Variants in SLC44A5 observed in about 807,000 individuals in gnomAD.
SLC44A5 encodes choline transporter-like protein 5.
In SLC44A5, 57 loss-of-function variants were observed where a neutral mutation model predicts 101.8. The ratio of observed to expected loss-of-function variants is 0.56; its 90% CI spans 0.45 to 0.70. The LOEUF (loss-of-function observed/expected upper bound fraction) is 0.70, where lower values mean the gene tolerates loss of function less well. SLC44A5 is among the 30% of genes least tolerant of loss of function. The pLI is 0.00. For missense variants in SLC44A5, 737 were observed against 853.1 expected (o/e 0.86, Z 1.70); for synonymous variants, 281 against 290.9 (o/e 0.97, Z 0.35).
rs191828853 is a variant in SLC44A5, at chr1:75,481,543, C to T, written c.13+59892G>A. Among the ~76,000 whole-genome samples, 1,433 of 145,540 alleles carry T rather than the reference C, an allele frequency of 9.8e-3. 7 individuals carry two copies. The highest frequency in any genetic ancestry group is 0.015 in the Non-Finnish European group (983 of 66,132). ...TAATATCCAGAATCTACAATGAGCT[C>T]AAACAAATTTACAAGAAAAAAACAA... On this transcript the variant is annotated intron_variant, in intron 2 of 23. Transcript: ENST00000370859.
At chr1:75,606,985 T>G (rs557058163) in intron 1 of SLC44A5, among the ~76,000 whole-genome samples, 2 of 152,078 alleles carry the variant, frequency 1.3e-5, no homozygotes, top group South Asian at 2.1e-4. Context: ...CAGTGAGTCT[T>G]CCAGTCTGTG....
the SLC44A5 span, among the ~76,000 whole-genome samples, chr1:75,674,772 G>T: frequency 6.6e-6 from 1 of 152,198 alleles, no homozygotes; most frequent in African/African-American, 2.4e-5. Context: ...GCCTTAAAGA[G>T]GAGATAGAGA....
intron 1 of SLC44A5, among the ~76,000 whole-genome samples, chr1:75,544,519 ACACACAC>A (rs1407459670): frequency 3.8e-4 from 58 of 152,224 alleles, no homozygotes; most frequent in African/African-American, 1.3e-3. Flanking sequence ...ACACACACAC[ACACACAC>A]AACAAAATAC....
At chr1:75,421,420 C>T (rs1387876010) in intron 2 of SLC44A5, among the ~76,000 whole-genome samples, 1 of 152,032 alleles carries the variant, frequency 6.6e-6, no homozygotes, top group East Asian at 1.9e-4. Context: ...TTTATGTAGG[C>T]CATAAGCCAT....
At chr1:75,666,354 T>C in the SLC44A5 span, among the ~76,000 whole-genome samples, 1 of 152,066 alleles carries the variant, frequency 6.6e-6, no homozygotes, top group South Asian at 2.1e-4. Flanking sequence ...CCTGGACACA[T>C]ACACCCTCCC....
At chr1:75,336,496 G>A (rs1657455302) in intron 4 of SLC44A5, among the ~76,000 whole-genome samples, 1 of 152,090 alleles carries the variant, frequency 6.6e-6, no homozygotes, top group African/African-American at 2.4e-5. Context: ...GACAATGTCA[G>A]CATTATTTAA....
chr1:75,599,089 A>G (rs1467654164), intron 1 of SLC44A5, among the ~76,000 whole-genome samples: 2 of 152,236 alleles, frequency 1.3e-5, no homozygotes, highest in Non-Finnish European at 2.9e-5. Flanking sequence ...ATAAAAATAT[A>G]GAGAAATGTT....
intron 2 of SLC44A5, among the ~76,000 whole-genome samples, chr1:75,405,691 G>T (rs975930419): frequency 1.3e-5 from 2 of 152,018 alleles, no homozygotes; most frequent in African/African-American, 4.8e-5. Flanking sequence ...CAAATCTGTG[G>T]GACACAGCTA....
chr1:75,718,647 C>A, the SLC44A5 span, among the ~76,000 whole-genome samples: 8 of 152,114 alleles, frequency 5.3e-5, no homozygotes, highest in Non-Finnish European at 1.2e-4. Flanking sequence ...TCATGAGCTG[C>A]GAGCCTCTTT....
the SLC44A5 span, among the ~76,000 whole-genome samples, chr1:75,699,913 C>T: frequency 1.1e-4 from 16 of 152,016 alleles, no homozygotes; most frequent in Non-Finnish European, 2.1e-4. Context: ...CAAAGAAGGC[C>T]ATTACATAAT....
At chr1:75,531,457 T>A (rs1271732151) in intron 2 of SLC44A5, among the ~76,000 whole-genome samples, 1 of 152,172 alleles carries the variant, frequency 6.6e-6, no homozygotes, top group Non-Finnish European at 1.5e-5. Context: ...CCCTATAAGG[T>A]CAGGCATTGA....
At chr1:75,639,092 C>A in the SLC44A5 span, among the ~76,000 whole-genome samples, 1 of 151,924 alleles carries the variant, frequency 6.6e-6, no homozygotes, top group Non-Finnish European at 1.5e-5. Flanking sequence ...AAAGGATATG[C>A]AATTTCAGTT....
chr1:75,516,553 C>G (rs374019172), intron 2 of SLC44A5, among the ~76,000 whole-genome samples: 1 of 152,148 alleles, frequency 6.6e-6, no homozygotes, highest in African/African-American at 2.4e-5. Context: ...ATAAGCTACA[C>G]TCAGACTGTG....
rs911709413 is a variant in SLC44A5, at chr1:75,250,662, T to C, written c.345+548A>G. ...ATCCAAGGCTTTTAAGAGCAGGATGTTTTATTCATCCTCACTGTGTCCTTT... is the reference window on the plus strand; with the variant it reads ...ATCCAAGGCTTTTAAGAGCAGGATGCTTTATTCATCCTCACTGTGTCCTTT... On this transcript the variant is annotated intron_variant, in intron 7 of 23. Coordinates refer to ENST00000370859, the MANE Select transcript of SLC44A5 (RefSeq NM_001130058.2). Among the ~76,000 whole-genome samples, 3 of 152,140 alleles carry C rather than the reference T, an allele frequency of 2.0e-5. No homozygotes were observed. In the South Asian group the frequency reaches 6.2e-4, roughly 32 times the overall value.
chr1:75,629,172 G>A, the SLC44A5 span, among the ~76,000 whole-genome samples: 3 of 151,900 alleles, frequency 2.0e-5, no homozygotes, highest in African/African-American at 7.2e-5. Flanking sequence ...GTGCCTGAAG[G>A]GAAGTAACCT....
intron 2 of SLC44A5, among the ~76,000 whole-genome samples, chr1:75,440,821 C>T (rs1040757193): frequency 3.3e-5 from 5 of 151,940 alleles, no homozygotes; most frequent in African/African-American, 1.2e-4. Flanking sequence ...AGCAATAGTA[C>T]TTCACTGAAG....
intron 2 of SLC44A5, among the ~76,000 whole-genome samples, chr1:75,409,403 C>A (rs566717321): frequency 4.3e-4 from 65 of 152,180 alleles, no homozygotes; most frequent in African/African-American, 1.4e-3. Flanking sequence ...TGCACGTGTA[C>A]TCCTTGAATC....
intron 1 of SLC44A5, among the ~76,000 whole-genome samples, chr1:75,579,825 C>A (rs199555692): frequency 3.0e-4 from 16 of 52,756 alleles, no homozygotes; most frequent in Non-Finnish European, 2.5e-4. Context: ...ATTCAACTAT[C>A]TACACACACA....
chr1:75,555,873 C>A (rs2101993608), intron 1 of SLC44A5, among the ~76,000 whole-genome samples: 1 of 152,064 alleles, frequency 6.6e-6, no homozygotes, highest in East Asian at 1.9e-4. Context: ...TGTTATCCAG[C>A]AATTAAAAGA....
Sources: gnomAD v4.1 joint callset for allele counts (sites outside exome capture counted in the v4.1 genomes callset) on GRCh38, gnomAD v4.1.1 for gene constraint, MANE v1.5 for transcripts, NCBI Gene and HGNC (gene_info 2026-07-23, HGNC 2026-07-21) for gene names.